The following SBF2 variants were observed in gnomAD, a reference collection of about 807,000 sequenced individuals.
SBF2 encodes the protein myotubularin-related protein 13.
In SBF2, 112 loss-of-function variants were observed where a neutral mutation model predicts 225.2. The observed-to-expected ratio is 0.50, with a 90% CI of 0.43 to 0.58. The LOEUF (loss-of-function observed/expected upper bound fraction) is 0.58, where lower values mean the gene tolerates loss of function less well. Ranked by LOEUF, SBF2 falls within the 20% of genes least tolerant of loss-of-function variation. SBF2 has a pLI of 0.00. For missense variants in SBF2, 1,996 were observed against 2,206.2 expected (o/e 0.90, Z 1.91); for synonymous variants, 763 against 773.3 (o/e 0.99, Z 0.22).
chr11:10,007,656 G>T (rs1174883532), intron 6 of SBF2, among the ~76,000 whole-genome samples: 2 of 152,082 alleles, frequency 1.3e-5, no homozygotes, highest in Non-Finnish European at 2.9e-5. Flanking sequence ...TCCTTATTGG[G>T]TTTACCCTGG....
chr11:10,202,715 G>A (rs866809743), intron 1 of SBF2, among the ~76,000 whole-genome samples: 1 of 152,236 alleles, frequency 6.6e-6, no homozygotes, highest in Non-Finnish European at 1.5e-5. Flanking sequence ...GTGAACCCGG[G>A]AGGCGGAGCT....
chr11:9,786,464 G>T (rs1398495254), intron 36 of SBF2, among the ~76,000 whole-genome samples: 1 of 152,126 alleles, frequency 6.6e-6, no homozygotes, highest in Non-Finnish European at 1.5e-5. Flanking sequence ...TTGTCTGTCT[G>T]ATAACAGCTC....
chr11:10,069,448 T>C (rs369571759), intron 2 of SBF2, among the ~76,000 whole-genome samples: 2 of 152,182 alleles, frequency 1.3e-5, no homozygotes, highest in South Asian at 4.2e-4. Context: ...CTAAGAACGA[T>C]GGTTTCTAAC....
chr11:10,079,798 T>A (rs906894995), intron 2 of SBF2, among the ~76,000 whole-genome samples: 1 of 152,092 alleles, frequency 6.6e-6, no homozygotes, highest in Admixed American at 6.6e-5. Context: ...AGAATGCCTA[T>A]GGTTAACATT....
At chr11:9,797,348 T>A (rs1424033023) in intron 32 of SBF2, among the ~76,000 whole-genome samples, 1 of 152,212 alleles carries the variant, frequency 6.6e-6, no homozygotes, top group Non-Finnish European at 1.5e-5. Flanking sequence ...CTTACTGGCT[T>A]TTGAATTGAA....
rs1435092284 is a variant in SBF2 at position 10,132,704 on chromosome 11, C to T, written c.141+61198G>A. Among the ~76,000 whole-genome samples, 2 of 148,602 alleles carry T rather than the reference C, an allele frequency of 1.3e-5. 1 individual carries two copies. Among genetic ancestry groups the T allele is most frequent in the Non-Finnish European group, 3.0e-5 (2 of 67,340 alleles). ...TGCAAAGAACGAAAGAACAAAGCTT[C>T]CACAGTGTGGAAGGGGACCCGAGCG... On this transcript the variant is annotated intron_variant, in intron 2 of 39. Transcript: ENST00000256190.
intron 2 of SBF2, among the ~76,000 whole-genome samples, chr11:10,060,941 T>C (rs1287176201): frequency 1.3e-5 from 2 of 152,154 alleles, no homozygotes; most frequent in South Asian, 2.1e-4. Flanking sequence ...GGCAGGAGAA[T>C]AGTGTGAACC....
At chr11:9,895,910 T>C (rs778879190) in intron 17 of SBF2, 33 bp downstream of exon 17, 2 of 1,482,356 alleles carry the variant, frequency 1.3e-6, no homozygotes, top group Non-Finnish European at 1.9e-6. Context: ...ATGTAAATCA[T>C]AACAAGCTTA....
At chr11:10,067,119 T>C (rs1324851451) in intron 2 of SBF2, among the ~76,000 whole-genome samples, 4 of 151,930 alleles carry the variant, frequency 2.6e-5, no homozygotes, top group Non-Finnish European at 4.4e-5. Context: ...CTCTGTTTTT[T>C]TTAAAATGAA....
chr11:10,072,898 T>C (rs1950948238), intron 2 of SBF2, among the ~76,000 whole-genome samples: 1 of 150,968 alleles, frequency 6.6e-6, no homozygotes, highest in Admixed American at 6.6e-5. Flanking sequence ...CTAATTATTA[T>C]TATTATTATT....
chr11:10,107,262 G>A (rs1251103556), intron 2 of SBF2, among the ~76,000 whole-genome samples: 2 of 152,048 alleles, frequency 1.3e-5, no homozygotes, highest in Admixed American at 6.6e-5. Context: ...TAAAACAACC[G>A]AACATTCATC....
intron 1 of SBF2, among the ~76,000 whole-genome samples, chr11:10,252,592 C>T (rs1960465043): frequency 1.3e-5 from 2 of 152,248 alleles, no homozygotes; most frequent in Admixed American, 6.5e-5. Flanking sequence ...TCACGGATCA[C>T]GAGGTCAAGA....
intron 1 of SBF2, among the ~76,000 whole-genome samples, chr11:10,278,964 G>C (rs1262674119): frequency 6.6e-6 from 1 of 151,858 alleles, no homozygotes; most frequent in Non-Finnish European, 1.5e-5. Flanking sequence ...TTTCAAGGCT[G>C]GGCGCAATGG....
intron 13 of SBF2, among the ~76,000 whole-genome samples, chr11:9,983,314 C>A (rs943477145): frequency 6.6e-6 from 1 of 152,140 alleles, no homozygotes; most frequent in Non-Finnish European, 1.5e-5. Context: ...GGCTTTCCCC[C>A]ACTTTCCTGA....
At chr11:10,153,098 C>A (rs1028983647) in intron 2 of SBF2, among the ~76,000 whole-genome samples, 1 of 152,140 alleles carries the variant, frequency 6.6e-6, no homozygotes, top group African/African-American at 2.4e-5. Context: ...AGTGGGATGT[C>A]CCTGACACTT....
chr11:9,863,387 A>G (rs182293628), intron 17 of SBF2, among the ~76,000 whole-genome samples: 1 of 152,346 alleles, frequency 6.6e-6, no homozygotes, highest in African/African-American at 2.4e-5. Flanking sequence ...TTCAGGAAAG[A>G]AGGCTAGCTG....
intron 7 of SBF2, among the ~76,000 whole-genome samples, chr11:10,001,752 T>A (rs1947969587): frequency 6.6e-6 from 1 of 152,054 alleles, no homozygotes; most frequent in African/African-American, 2.4e-5. Context: ...GGTATGGATC[T>A]CTTGACCTCG....
chr11:9,856,878 C>T (rs192468814), intron 18 of SBF2, among the ~76,000 whole-genome samples, 158 bp from the exon 19 acceptor site: 1 of 151,578 alleles, frequency 6.6e-6, no homozygotes, highest in East Asian at 1.9e-4. Context: ...AGCTCTGCCT[C>T]CCAGGTTCAC....
At chr11:10,022,148 T>C (rs1275250362) in intron 6 of SBF2, among the ~76,000 whole-genome samples, 2 of 152,202 alleles carry the variant, frequency 1.3e-5, no homozygotes, top group Non-Finnish European at 1.5e-5. Flanking sequence ...TCAATAAACA[T>C]TGATGCCTTT....
Sources: gnomAD v4.1 joint callset for allele counts (sites outside exome capture counted in the v4.1 genomes callset) on GRCh38, gnomAD v4.1.1 for gene constraint, MANE v1.5 for transcripts, NCBI Gene and HGNC (gene_info 2026-07-23, HGNC 2026-07-21) for gene names.